The following SLC36A2 variants were observed in gnomAD, a reference collection of about 807,000 sequenced individuals.
SLC36A2 encodes the protein proton-coupled amino acid transporter 2.
In SLC36A2, 39 loss-of-function variants were observed where a neutral mutation model predicts 42.7. That is an observed-to-expected ratio of 0.91 (90% CI 0.71 to 1.19). The LOEUF (loss-of-function observed/expected upper bound fraction) is 1.19. Among genes scored for constraint, SLC36A2 ranks in the 50% most tolerant of loss-of-function variants. SLC36A2 has a pLI of 0.00. For missense variants in SLC36A2, 590 were observed against 613.7 expected (o/e 0.96, Z 0.41); for synonymous variants, 237 against 240.8 (o/e 0.98, Z 0.15).
intron 4 of SLC36A2, among the ~76,000 whole-genome samples, chr5:151,342,307 C>T (rs1756369235): frequency 6.6e-6 from 1 of 152,050 alleles, no homozygotes; most frequent in South Asian, 2.1e-4. Flanking sequence ...CTTCAGGGAC[C>T]TTCACACCCT....
At chr5:151,325,556 C>G in intron 7 of SLC36A2, 104 bp from the exon 8 acceptor site, 14 of 1,198,380 alleles carry the variant, frequency 1.2e-5, no homozygotes, top group Non-Finnish European at 1.7e-5. Flanking sequence ...AAAGCAGGGC[C>G]TCAAAGAGAT....
rs1755519959 is a variant in SLC36A2, at chr5:151,317,061, A to G, written c.1208T>C (p.Leu403Pro). Residue 403 changes from leucine to proline, a missense_variant, in exon 10 of 10, where the codon CTG becomes CCG. Coordinates refer to ENST00000335244, the MANE Select transcript of SLC36A2 (RefSeq NM_181776.3). ...TCLLAILIPR[L>P]DLVISLVGSV... ...GCCCACCAGGGAGATGACCAGGTCC[A>G]GGCGGGGGATGAGGATGGCCAGGAG... 6.2e-7 allele frequency: 1 copy of G among 1,613,998 alleles called. No individual in the cohort carries two copies. Among genetic ancestry groups the G allele is most frequent in the Admixed American group, 1.7e-5 (1 of 60,004 alleles).
At chr5:151,336,146 T>C (rs1756149948) in intron 5 of SLC36A2, among the ~76,000 whole-genome samples, 1 of 152,234 alleles carries the variant, frequency 6.6e-6, no homozygotes, top group South Asian at 2.1e-4. Context: ...GTGAGTTCTT[T>C]CTTGTCATTG....
At chr5:151,335,172 G>A (rs1355111701) in intron 6 of SLC36A2, among the ~76,000 whole-genome samples, 157 bp downstream of exon 6, 3 of 152,184 alleles carry the variant, frequency 2.0e-5, no homozygotes, top group South Asian at 2.1e-4. Context: ...GGGACTGCAC[G>A]GAGACATCCT....
intron 1 of SLC36A2, among the ~76,000 whole-genome samples, chr5:151,346,673 G>A (rs1756505841): frequency 6.6e-6 from 1 of 152,176 alleles, no homozygotes; most frequent in Non-Finnish European, 1.5e-5. Context: ...GTCAGATGTG[G>A]GGAAGGGAGC....
chr5:151,336,418 A>G (rs1309286581), intron 5 of SLC36A2, among the ~76,000 whole-genome samples: 1 of 144,968 alleles, frequency 6.9e-6, no homozygotes, highest in African/African-American at 2.6e-5. Context: ...GGAAGGTAAT[A>G]TCCTTCCATG....
chr5:151,331,985 G>A (rs562097647), intron 7 of SLC36A2, among the ~76,000 whole-genome samples: 87 of 152,204 alleles, frequency 5.7e-4, no homozygotes, highest in African/African-American at 2.0e-3. Flanking sequence ...TCCTGCCTCA[G>A]CCTTCTGAGT....
intron 3 of SLC36A2, among the ~76,000 whole-genome samples, chr5:151,343,259 C>T (rs1756398376): frequency 6.6e-6 from 1 of 152,154 alleles, no homozygotes; most frequent in African/African-American, 2.4e-5. Context: ...TTCTCGTGAC[C>T]ATTCTCTGCA....
intron 9 of SLC36A2, among the ~76,000 whole-genome samples, chr5:151,320,481 G>A (rs936454084): frequency 6.6e-6 from 1 of 152,076 alleles, no homozygotes; most frequent in African/African-American, 2.4e-5. Context: ...AATACAATTT[G>A]GCCTTAAAAA....
At chr5:151,318,118 G>A (rs1051062324) in intron 9 of SLC36A2, among the ~76,000 whole-genome samples, 4 of 152,116 alleles carry the variant, frequency 2.6e-5, no homozygotes, top group African/African-American at 4.8e-5. Flanking sequence ...AGGAGGTCCC[G>A]CTTACATCAG....
intron 5 of SLC36A2, among the ~76,000 whole-genome samples, chr5:151,336,459 CT>C (rs769643262): frequency 0.016 from 1,790 of 113,194 alleles, 6 homozygotes; most frequent in East Asian, 0.026. Context: ...TTCCCTCAAT[CT>C]TTTTTTTTTT....
rs1755830334 is a variant in SLC36A2, at chr5:151,325,560, A to G, written c.844-108T>C. On this transcript the variant is annotated intron_variant, in intron 7 of 9. Coordinates refer to ENST00000335244, the MANE Select transcript of SLC36A2 (RefSeq NM_181776.3). ...CCAAAGAACTGAAAGCAGGGCCTCA[A>G]AGAGATATTTGTACACTTATGTTCA... is the stretch of plus-strand genomic sequence containing the variant. 5 of 1,172,660 alleles carry G rather than the reference A, an allele frequency of 4.3e-6. No homozygotes were observed. In the Admixed American group the frequency reaches 5.8e-5, roughly 14 times the overall value. The allele number at this position is 1,172,660 out of a possible 1,614,324, so 72.6% of individuals were successfully genotyped here.
intron 5 of SLC36A2, among the ~76,000 whole-genome samples, chr5:151,337,334 G>C (rs1235242897): frequency 1.3e-5 from 2 of 152,124 alleles, no homozygotes; most frequent in Non-Finnish European, 2.9e-5. Flanking sequence ...CCACCCCCCG[G>C]AGGAGGCTTT....
chr5:151,338,925 A>ACT (rs933051195), intron 5 of SLC36A2, 135 bp downstream of exon 5: 3 of 698,834 alleles, frequency 4.3e-6, no homozygotes, highest in Non-Finnish European at 5.3e-6. Context: ...TAGGGGAGGC[A>ACT]AGTTTGACAA....
chr5:151,334,449 G>T (rs6871929), intron 6 of SLC36A2, among the ~76,000 whole-genome samples: 29,849 of 151,676 alleles, frequency 0.2, 7,513 homozygotes, highest in African/African-American at 0.59. Flanking sequence ...CAGCACTTTG[G>T]GGGGGCCAAG....
chr5:151,344,074 C>T (rs1756424524), intron 2 of SLC36A2, 103 bp downstream of exon 2: 1 of 1,065,762 alleles, frequency 9.4e-7, no homozygotes, highest in Non-Finnish European at 1.4e-6. Context: ...AAGCTGTGTC[C>T]CAGAAAGACT....
intron 5 of SLC36A2, among the ~76,000 whole-genome samples, chr5:151,338,176 T>G (rs1436139536): frequency 6.6e-6 from 1 of 152,258 alleles, no homozygotes; most frequent in Non-Finnish European, 1.5e-5. Context: ...ACTACATTTT[T>G]CTTCTAGCTA....
rs79265984 is a variant in SLC36A2, at chr5:151,342,902, G to C, written c.426C>G (p.His142Gln). 1.2e-6 allele frequency: 2 copies of C among 1,614,074 alleles called. No homozygotes were observed. The highest frequency in any genetic ancestry group is 3.3e-5 in the Admixed American group (2 of 60,006). ...GAACAGGTTACCTTCCCCAGTGAGC[G>C]TGATTCTGGAGCCAGGCGTTGGGGT... Reference protein sequence around the residue: ...EANPNAWLQNHAHWGRHIVSF... With the variant: ...EANPNAWLQNQAHWGRHIVSF... The change falls in exon 4 of 10, where the codon CAC becomes CAG. Residue 142 changes from histidine to glutamine, a missense_variant. Coordinates refer to ENST00000335244, the MANE Select transcript of SLC36A2 (RefSeq NM_181776.3).
intron 6 of SLC36A2, among the ~76,000 whole-genome samples, chr5:151,334,462 G>C (rs1475264030): frequency 6.6e-6 from 1 of 151,810 alleles, no homozygotes; most frequent in Admixed American, 6.6e-5. Context: ...GGGCCAAGGC[G>C]GGGGGATCAC....
Sources: allele counts gnomAD v4.1 joint callset (sites outside exome capture counted in the v4.1 genomes callset), GRCh38; gene constraint gnomAD v4.1.1; transcripts MANE v1.5; gene names NCBI Gene and HGNC (gene_info 2026-07-23, HGNC 2026-07-21).